The following CPNE1 variants were observed in gnomAD, a reference collection of about 807,000 sequenced individuals.
CPNE1 encodes copine-1.
Under a neutral mutation model 63.2 loss-of-function variants are expected in CPNE1, and 58 were observed. The ratio of observed to expected loss-of-function variants is 0.92; its 90% confidence interval spans 0.74 to 1.14. The LOEUF (loss-of-function observed/expected upper bound fraction) is 1.14, where lower values mean the gene tolerates loss of function less well. Among genes scored for constraint, CPNE1 ranks in the 50% most tolerant of loss-of-function variants. The pLI is 0.00. For missense variants in CPNE1, 672 were observed against 661.7 expected, an observed-to-expected ratio of 1.02 and a Z score of -0.17; for synonymous variants, 237 against 249.0, an observed-to-expected ratio of 0.95 and a Z score of 0.45.
Position 35,631,295 on chromosome 20 carries a change from A to G in CPNE1, c.774T>C (p.Ser258=). Residue 258 remains serine, a synonymous_variant, in exon 9 of 16, where the codon TCT becomes TCC. Transcript: ENST00000397443. ...KQQKKKSYKN[S]GTIRVKICRV... is the part of the protein sequence containing the mutation. ...GACAAATCTTGACACGGATAGTTCC[A>G]GAGTTCTTGTAGCTTTTCTTTTTCT... is the stretch of plus-strand genomic sequence containing the variant. 6.2e-7 allele frequency: 1 copy of G among 1,614,192 alleles called. No individual in the cohort carries two copies. The highest frequency in any genetic ancestry group is 8.5e-7 in the Non-Finnish European group (1 of 1,180,022).
chr20:35,641,269 C>T (rs1241126464), intron 1 of CPNE1, among the ~76,000 whole-genome samples: 1 of 152,214 alleles, frequency 6.6e-6, no homozygotes, highest in African/African-American at 2.4e-5. Context: ...GAAATGAAGA[C>T]TAGAACTCAA....
intron 1 of CPNE1, among the ~76,000 whole-genome samples, chr20:35,644,769 GT>G (rs1340894605): frequency 6.6e-6 from 1 of 152,180 alleles, no homozygotes; most frequent in Non-Finnish European, 1.5e-5. Context: ...CTATGCTAAT[GT>G]TAGCCTTGCA....
At chr20:35,663,162 T>C (rs1332416928) in intron 1 of CPNE1, among the ~76,000 whole-genome samples, 1 of 152,234 alleles carries the variant, frequency 6.6e-6, no homozygotes, top group African/African-American at 2.4e-5. Context: ...TGAAAATGTC[T>C]GCACACTTTC....
At chr20:35,661,071 T>G (rs895937631) in intron 1 of CPNE1, among the ~76,000 whole-genome samples, 1 of 152,226 alleles carries the variant, frequency 6.6e-6, no homozygotes, top group Non-Finnish European at 1.5e-5. Context: ...TCAATCCAGA[T>G]AGAAATTTAT....
intron 1 of CPNE1, among the ~76,000 whole-genome samples, chr20:35,642,956 G>A (rs2146312316): frequency 6.6e-6 from 1 of 152,250 alleles, no homozygotes; most frequent in East Asian, 1.9e-4. Flanking sequence ...ACTGTACTGG[G>A]TGAAGGTCAA....
intron 1 of CPNE1, among the ~76,000 whole-genome samples, chr20:35,657,351 T>C (rs929200124): frequency 6.6e-6 from 1 of 152,230 alleles, no homozygotes; most frequent in African/African-American, 2.4e-5. Flanking sequence ...TTGCTCAATC[T>C]AGAATATGTG....
intron 13 of CPNE1, among the ~76,000 whole-genome samples, chr20:35,627,704 C>A (rs1312768609): frequency 1.3e-5 from 2 of 151,958 alleles, no homozygotes; most frequent in African/African-American, 4.8e-5. Context: ...TAATAATGAT[C>A]CATTTGATAC....
At chr20:35,658,839 A>AC (rs2034065678) in intron 1 of CPNE1, 3 of 646,284 alleles carry the variant, frequency 4.6e-6, no homozygotes, top group African/African-American at 1.9e-5. Context: ...ACACACACAC[A>AC]ATATAGTTGC....
chr20:35,658,520 G>C (rs2146367635), intron 1 of CPNE1, among the ~76,000 whole-genome samples: 1 of 152,210 alleles, frequency 6.6e-6, no homozygotes, highest in African/African-American at 2.4e-5. Flanking sequence ...CAGCACTTTG[G>C]GAGGCTAAGG....
At chr20:35,652,744 A>C in intron 1 of CPNE1, 1 of 1,613,542 alleles carries the variant, frequency 6.2e-7, no homozygotes, top group Non-Finnish European at 8.5e-7. Flanking sequence ...CATGTTTTGC[A>C]CTTTAATTAC....
chr20:35,642,545 G>C (rs1439013566), intron 1 of CPNE1, among the ~76,000 whole-genome samples: 1 of 152,184 alleles, frequency 6.6e-6, no homozygotes, highest in Non-Finnish European at 1.5e-5. Flanking sequence ...AGACTGAAAA[G>C]ACAAACTACA....
Position 35,653,465 on chromosome 20 carries a change from T to C in CPNE1, c.-1+11295A>G, listed in dbSNP as rs762032096. ...TCAATCTCTCTCATATCTTCTAGGG[T>C]AACTACATGAACAAAAGCTTCTCTC... On this transcript the variant is annotated intron_variant, in intron 1 of 15. Transcript: ENST00000397443. The C allele has an allele frequency of 5.6e-6, 9 of 1,614,234 alleles. 1 individual carries two copies. In the South Asian group the frequency reaches 9.9e-5, roughly 18 times the overall value.
At chr20:35,659,188 T>C (rs2034092033) in intron 1 of CPNE1, among the ~76,000 whole-genome samples, 1 of 151,798 alleles carries the variant, frequency 6.6e-6, no homozygotes, top group South Asian at 2.1e-4. Flanking sequence ...CACACATGCT[T>C]TTTAGTTGGT....
intron 1 of CPNE1, among the ~76,000 whole-genome samples, chr20:35,635,566 G>A (rs115942468): frequency 3.3e-5 from 5 of 152,080 alleles, no homozygotes; most frequent in South Asian, 2.1e-4. Context: ...GGGTAATTCC[G>A]TCCTCCTGCA....
chr20:35,644,656 T>C (rs1381397391), intron 1 of CPNE1, among the ~76,000 whole-genome samples: 1 of 152,184 alleles, frequency 6.6e-6, no homozygotes, highest in Non-Finnish European at 1.5e-5. Flanking sequence ...TATTTCTATA[T>C]CCAACCATTT....
intron 1 of CPNE1, among the ~76,000 whole-genome samples, chr20:35,646,443 C>T (rs1266514938): frequency 1.4e-5 from 2 of 143,738 alleles, no homozygotes; most frequent in Non-Finnish European, 3.0e-5. Flanking sequence ...ACGCTAGTCT[C>T]AATTCCTGGG....
chr20:35,628,187 A>C (rs2031890139), intron 13 of CPNE1, among the ~76,000 whole-genome samples: 1 of 152,122 alleles, frequency 6.6e-6, no homozygotes, highest in Non-Finnish European at 1.5e-5. Context: ...CGGGAGGCTG[A>C]GGCAGGAGAA....
intron 1 of CPNE1, among the ~76,000 whole-genome samples, chr20:35,636,990 C>T (rs1191579231): frequency 5.3e-5 from 8 of 151,988 alleles, no homozygotes; most frequent in Admixed American, 3.9e-4. Context: ...TGTATTGTTT[C>T]AATATTTTAT....
intron 1 of CPNE1, chr20:35,654,077 C>A: frequency 6.2e-7 from 1 of 1,614,172 alleles, no homozygotes. Flanking sequence ...CTTTTCTGCC[C>A]ACTGGGCGAT....
Sources: gnomAD v4.1 joint callset for allele counts (sites outside exome capture counted in the v4.1 genomes callset) on GRCh38, gnomAD v4.1.1 for gene constraint, MANE v1.5 for transcripts, NCBI Gene and HGNC (gene_info 2026-07-23, HGNC 2026-07-21) for gene names.